RCOR1: variants seen among roughly 807,000 people sequenced by gnomAD.
RCOR1 encodes REST corepressor.
A neutral mutation model predicts 64.0 loss-of-function variants in RCOR1; 12 were observed. That is an observed-to-expected ratio of 0.19 (90% CI 0.12 to 0.30). The LOEUF (loss-of-function observed/expected upper bound fraction) is 0.30, where lower values mean the gene tolerates loss of function less well. Ranked by LOEUF, RCOR1 falls within the 10% of genes least tolerant of loss-of-function variation. The probability of loss-of-function intolerance (pLI) is 1.00; values close to 1 mark genes in which losing one functional copy is unlikely to be tolerated. For synonymous variants in RCOR1, 279 were observed against 227.2 expected (o/e 1.23, Z -2.05); for missense variants, 502 against 621.2 (o/e 0.81, Z 2.04).
intron 2 of RCOR1, chr14:102,657,301 T>C: frequency 1.0e-6 from 1 of 985,374 alleles, no homozygotes; most frequent in African/African-American, 1.7e-5. Context: ...TTTTAGGCGA[T>C]ATGTCCTCAT....
At chr14:102,613,147 G>C (rs770002977) in intron 2 of RCOR1, among the ~76,000 whole-genome samples, 1 of 151,812 alleles carries the variant, frequency 6.6e-6, no homozygotes, top group Non-Finnish European at 1.5e-5. Context: ...TGTCGCCCAC[G>C]CTGGAATGCA....
At chr14:102,670,516 T>C (rs1003392210) in intron 2 of RCOR1, among the ~76,000 whole-genome samples, 1 of 152,094 alleles carries the variant, frequency 6.6e-6, no homozygotes, top group African/African-American at 2.4e-5. Context: ...ATACACAATA[T>C]ATATACAGTT....
intron 2 of RCOR1, chr14:102,655,362 T>A (rs1894701675): frequency 2.5e-5 from 25 of 985,268 alleles, no homozygotes; most frequent in Non-Finnish European, 3.0e-5. Flanking sequence ...GGAAGCTGAA[T>A]GACTCATGGG....
chr14:102,648,089 A>AT (rs370694830), intron 2 of RCOR1, among the ~76,000 whole-genome samples: 1 of 151,410 alleles, frequency 6.6e-6, no homozygotes, highest in African/African-American at 2.4e-5. Context: ...ATTTATTTTT[A>AT]TTTTTTTGAG....
At chr14:102,722,606 A>G (rs372790868) in intron 11 of RCOR1, among the ~76,000 whole-genome samples, 190 bp downstream of exon 11, 2 of 152,226 alleles carry the variant, frequency 1.3e-5, no homozygotes, top group Non-Finnish European at 2.9e-5. Flanking sequence ...TATTATTCAC[A>G]TGTTAATTTC....
At chr14:102,660,944 A>G (rs1041455567) in intron 2 of RCOR1, among the ~76,000 whole-genome samples, 6 of 152,208 alleles carry the variant, frequency 3.9e-5, no homozygotes, top group Admixed American at 2.6e-4. Context: ...GCAAAATTGT[A>G]TATTAGTGAT....
At chr14:102,695,267 A>G (rs1184844699) in intron 3 of RCOR1, 1 of 152,172 alleles carries the variant, frequency 6.6e-6, no homozygotes, top group African/African-American at 2.4e-5. Flanking sequence ...CAGTTCTATT[A>G]ACTTCATTCA....
chr14:102,711,077 AT>A (rs34800141), intron 7 of RCOR1, 64 bp downstream of exon 7: 46,817 of 1,087,348 alleles, frequency 0.043, 1,594 homozygotes, highest in African/African-American at 0.15. Flanking sequence ...TAAATAAAAC[AT>A]TCATGTTGCT....
At chr14:102,616,574 A>G (rs1893767237) in intron 2 of RCOR1, among the ~76,000 whole-genome samples, 1 of 152,158 alleles carries the variant, frequency 6.6e-6, no homozygotes. Flanking sequence ...TTTGGCCTAC[A>G]AAGGATATTT....
At chr14:102,713,951 T>G (rs1896011549) in intron 7 of RCOR1, among the ~76,000 whole-genome samples, 1 of 152,254 alleles carries the variant, frequency 6.6e-6, no homozygotes, top group Non-Finnish European at 1.5e-5. Context: ...TTACAGAAAT[T>G]AATAGCCGTC....
chr14:102,601,711 G>A (rs1893401369), intron 2 of RCOR1, among the ~76,000 whole-genome samples: 1 of 152,178 alleles, frequency 6.6e-6, no homozygotes, highest in Non-Finnish European at 1.5e-5. Context: ...CATCTGCTGT[G>A]TTCAGTCATT....
In RCOR1 at chr14:102,694,486, A is replaced by G. The variant is rs1362762356; in HGVS notation, c.446-6792A>G. Among the ~76,000 whole-genome samples the G allele has an allele frequency of 5.3e-5, 8 of 152,282 alleles. No homozygotes were observed. The East Asian group carries it at 1.5e-3, about 29-fold the overall frequency. On this transcript the variant is annotated intron_variant, in intron 3 of 11. Coordinates refer to ENST00000262241, the MANE Select transcript of RCOR1 (RefSeq NM_015156.4). ...GAGATGGGGTTTCACCGTGTTAGCC[A>G]GGATGGTCTCAATCTCCTGACCTGG...
chr14:102,721,288 A>G (rs1896164067), intron 9 of RCOR1, 32 bp from the exon 10 acceptor site: 2 of 1,583,046 alleles, frequency 1.3e-6, no homozygotes, highest in Admixed American at 1.7e-5. Flanking sequence ...CTCTAAATGT[A>G]ATGTGCTAAA....
At chr14:102,663,535 A>T (rs1894865046) in intron 2 of RCOR1, among the ~76,000 whole-genome samples, 1 of 152,150 alleles carries the variant, frequency 6.6e-6, no homozygotes, top group African/African-American at 2.4e-5. Flanking sequence ...TGATATTGGG[A>T]GTAATTGTGT....
chr14:102,689,775 G>A (rs1895495568), intron 3 of RCOR1, among the ~76,000 whole-genome samples: 1 of 152,112 alleles, frequency 6.6e-6, no homozygotes, highest in African/African-American at 2.4e-5. Flanking sequence ...ACAGAGTCTC[G>A]CACTGATGCC....
chr14:102,701,076 C>T (rs923875360), intron 3 of RCOR1, among the ~76,000 whole-genome samples: 2 of 152,210 alleles, frequency 1.3e-5, no homozygotes, highest in Non-Finnish European at 2.9e-5. Context: ...AAAGCCCATC[C>T]TCCATGATTC....
chr14:102,699,018 C>T (rs1465833135), intron 3 of RCOR1, among the ~76,000 whole-genome samples: 2 of 152,062 alleles, frequency 1.3e-5, no homozygotes, highest in African/African-American at 4.8e-5. Flanking sequence ...TCCCAAGTAG[C>T]TGGAACTACA....
At chr14:102,659,243 G>A in intron 2 of RCOR1, 1 of 985,278 alleles carries the variant, frequency 1.0e-6, no homozygotes, top group Non-Finnish European at 1.2e-6. Context: ...AACAAGTGGA[G>A]TTTTGTTGAT....
intron 2 of RCOR1, chr14:102,657,372 C>A (rs1249703176): frequency 2.0e-6 from 2 of 985,026 alleles, no homozygotes; most frequent in Middle Eastern, 1.0e-3. Flanking sequence ...AATTTAAGAC[C>A]GATTTACTTC....
Sources: allele counts gnomAD v4.1 joint callset (sites outside exome capture counted in the v4.1 genomes callset), GRCh38; gene constraint gnomAD v4.1.1; transcripts MANE v1.5; gene names NCBI Gene and HGNC (gene_info 2026-07-23, HGNC 2026-07-21).